The following TRIM46 variants were observed in gnomAD, a reference collection of about 807,000 sequenced individuals.
TRIM46 encodes the protein tripartite motif containing 46, also known as tripartite motif-containing protein 46.
A neutral mutation model predicts 69.7 loss-of-function variants in TRIM46; 17 were observed. The observed-to-expected ratio is 0.24, with a 90% CI of 0.17 to 0.37. The LOEUF (loss-of-function observed/expected upper bound fraction) is 0.37, where lower values mean the gene tolerates loss of function less well. TRIM46 is among the 10% of genes least tolerant of loss of function. TRIM46 has a pLI of 1.00. For missense variants in TRIM46, 675 were observed against 1,025.1 expected (o/e 0.66, Z 4.66); for synonymous variants, 391 against 429.0 (o/e 0.91, Z 1.09).
At chr1:155,178,317 AC>A in intron 6 of TRIM46, 62 bp downstream of exon 6, 1 of 1,560,138 alleles carries the variant, frequency 6.4e-7, no homozygotes, top group Non-Finnish European at 8.7e-7. Context: ...AACATCTAGG[AC>A]AATGTCTACA....
chr1:155,175,390 G>A lies in TRIM46; in HGVS notation c.68G>A (p.Ser23Asn), dbSNP rs751832811. Residue 23 changes from serine to asparagine, a missense_variant, in exon 2 of 10, where the codon AGC (serine) becomes AAC (asparagine). By Grantham distance (46) the Ser-to-Asn change is conservative. Around this residue, in one of 5 missense-constraint regions of TRIM46, gnomAD observed 170 missense variants for 255.6 expected, o/e 0.67. Coordinates refer to ENST00000334634, the MANE Select transcript of TRIM46 (RefSeq NM_025058.5). The surrounding 1 kb of genome is among the most constrained non-coding windows in gnomAD (Gnocchi z 4.2). ...AGCCTCCTGGTCCCTCCACAGACCA[G>A]CATGAAGAACATGGAGAAGGAACTG... ...IMDALVRIST[S>N]MKNMEKELLC... 3.1e-6 allele frequency: 5 copies of A among 1,614,022 alleles called. No individual in the cohort carries two copies. The highest frequency in any genetic ancestry group is 3.4e-6 in the Non-Finnish European group (4 of 1,179,946).
intron 3 of TRIM46, 136 bp downstream of exon 3, chr1:155,176,367 ACAAAGTCACTGGACAAATCATT>A: frequency 1.2e-6 from 1 of 829,962 alleles, no homozygotes; most frequent in South Asian, 1.8e-5. Flanking sequence ...GTAATCTGTC[ACAAAGTCACTGGACAAATCATT>A]CAACAACTTT....
At position 155,176,224 on chromosome 1, in the gene TRIM46, G is replaced by A. The variant is rs1420011583; in HGVS notation, c.662G>A (p.Arg221Gln). ...CCCACCCTGCCTACCCTCTCCTTCC[G>A]ACCCAAGGTGAGCCAGCCCTTCCAA... ...HEPTLPTLSF[R>Q]PKGLMCPDHK... Residue 221 changes from arginine to glutamine, a missense_variant, in exon 3 of 10, where the codon CGA becomes CAA. This residue lies in a region of TRIM46 where 361 missense variants were observed against 498.3 expected (regional missense o/e 0.72). Transcript: ENST00000334634. 12 of 1,596,988 alleles carry A rather than the reference G, an allele frequency of 7.5e-6. No homozygotes were observed. The highest frequency in any genetic ancestry group is 2.2e-5 in the East Asian group (1 of 44,680).
rs147051724 is a variant in TRIM46, at chr1:155,184,604, C to T, written c.*414C>T. 6.8e-4 allele frequency: 123 copies of T among 179,612 alleles called. No homozygotes were observed. Among genetic ancestry groups the T allele is most frequent in the Non-Finnish European group, 9.9e-4 (84 of 84,694 alleles). The allele number at this position is 179,612 out of a possible 1,614,324, so 11.1% of individuals were successfully genotyped here. On this transcript the variant is annotated 3_prime_UTR_variant, in exon 10 of 10. Coordinates refer to ENST00000334634, the MANE Select transcript of TRIM46 (RefSeq NM_025058.5). This position sits in a 1 kb window ranked among gnomAD's most constrained non-coding sequence, Gnocchi z 5.6. ...AGCTCCCTGCCCTGTTGATGCTGAACTACAGCCTTGGGACAGGCAGGCTTT... is the reference window on the plus strand; with the variant it reads ...AGCTCCCTGCCCTGTTGATGCTGAATTACAGCCTTGGGACAGGCAGGCTTT...
intron 9 of TRIM46, among the ~76,000 whole-genome samples, chr1:155,183,549 C>T (rs1249562305): frequency 1.3e-5 from 2 of 152,144 alleles, no homozygotes; most frequent in African/African-American, 4.8e-5. Flanking sequence ...ATACCAATGC[C>T]ATGTCTTTCC....
chr1:155,173,941 C>A lies in TRIM46; in HGVS notation c.-26C>A. The A allele has an allele frequency of 6.4e-7, 1 of 1,569,084 alleles. No homozygotes were observed. The highest frequency in any genetic ancestry group is 8.6e-7 in the Non-Finnish European group (1 of 1,157,944). On this transcript the variant is annotated 5_prime_UTR_variant, in exon 1 of 10. Coordinates refer to ENST00000334634, the MANE Select transcript of TRIM46 (RefSeq NM_025058.5). Reference sequence around the variant, plus strand: ...GCAGCCGCAGCCGGGATCGGGCACCCAGGGGCGGGCGGGCACGGTAGGGCC... The same window carrying A: ...GCAGCCGCAGCCGGGATCGGGCACCAAGGGGCGGGCGGGCACGGTAGGGCC...
At chr1:155,180,314 A>G in intron 8 of TRIM46, 1 of 310,014 alleles carries the variant, frequency 3.2e-6, no homozygotes, top group Non-Finnish European at 5.9e-6. Flanking sequence ...AAAAATAAAT[A>G]GGCCAGGCGA....
intron 1 of TRIM46, 143 bp downstream of exon 1, chr1:155,174,172 G>T (rs1665414520): frequency 1.0e-6 from 1 of 994,236 alleles, no homozygotes; most frequent in Non-Finnish European, 1.5e-6. Flanking sequence ...GGAGGGTCGG[G>T]ATGCAGGTAT....
At position 155,181,719 on chromosome 1, in the gene TRIM46, CCTGAACCCCCTGCCTGTTCCTGGTGA is replaced by C; in HGVS notation, c.1589-121_1589-96del. 2.1e-6 allele frequency: 2 copies of C among 956,932 alleles called. No homozygotes were observed. Among genetic ancestry groups the C allele is most frequent in the South Asian group, 3.2e-5 (2 of 62,314 alleles). 59.3% of individuals were successfully genotyped at this position (956,932 alleles called of 1,614,324 possible). On this transcript the variant is annotated intron_variant, in intron 8 of 9. Coordinates refer to ENST00000334634, the MANE Select transcript of TRIM46 (RefSeq NM_025058.5). This position sits in a 1 kb window ranked among gnomAD's most constrained non-coding sequence, Gnocchi z 4.3. The stretch of plus-strand genomic sequence containing the variant: ...ATTCCAGTTTCCCATGTCCTGTTCT[CCTGAACCCCCTGCCTGTTCCTGGTGA>C]CTGAACCCCCTTGCAACGCGTTCCC...
Position 155,175,378 on chromosome 1 carries a change from C to A in TRIM46, c.64-8C>A, listed in dbSNP as rs1665561954. On this transcript the variant is annotated splice_region_variant and splice_polypyrimidine_tract_variant and intron_variant, in intron 1 of 9. Transcript: ENST00000334634. This position sits in a 1 kb window ranked among gnomAD's most constrained non-coding sequence, Gnocchi z 4.2. Reference sequence around the variant, plus strand: ...AAGCGCTGACCTAGCCTCCTGGTCCCTCCACAGACCAGCATGAAGAACATG... The same window carrying A: ...AAGCGCTGACCTAGCCTCCTGGTCCATCCACAGACCAGCATGAAGAACATG... 3 of 1,613,496 alleles carry A rather than the reference C, an allele frequency of 1.9e-6. No individual in the cohort carries two copies. The highest frequency in any genetic ancestry group is 2.5e-6 in the Non-Finnish European group (3 of 1,179,804).
intron 3 of TRIM46, 33 bp from the exon 4 acceptor site, chr1:155,176,899 G>T (rs1280062280): frequency 3.1e-6 from 5 of 1,605,852 alleles, no homozygotes; most frequent in Non-Finnish European, 4.3e-6. Flanking sequence ...CCACACCATT[G>T]TCTGACCATC....
intron 9 of TRIM46, among the ~76,000 whole-genome samples, chr1:155,183,146 G>A (rs750136049): frequency 1.3e-4 from 20 of 151,916 alleles, no homozygotes; most frequent in South Asian, 2.1e-4. Flanking sequence ...TCCTGACCTC[G>A]TGATCCGCCC....
chr1:155,174,709 C>A, intron 1 of TRIM46: 1 of 1,437,562 alleles, frequency 7.0e-7, no homozygotes, highest in Non-Finnish European at 9.1e-7. Flanking sequence ...GAGGGGACTT[C>A]CGGTGGGGAG....
chr1:155,176,068 C>A lies in TRIM46; in HGVS notation c.506C>A (p.Ala169Asp). Residue 169 changes from alanine to aspartate, a missense_variant, in exon 3 of 10, where the codon GCC becomes GAC. This residue lies in a region of TRIM46 where 170 missense variants were observed against 255.6 expected (regional missense o/e 0.67). Transcript: ENST00000334634. ...RYRQSVSVGGAILCQLCKPPP... is the reference protein window; with the variant it reads ...RYRQSVSVGGDILCQLCKPPP... ...CGCCAGAGTGTGAGTGTGGGAGGTG[C>A]CATCCTGTGCCAGTTGTGCAAGCCC... is the stretch of plus-strand genomic sequence containing the variant. 6.2e-7 allele frequency: 1 copy of A among 1,614,096 alleles called. No homozygotes were observed. The highest frequency in any genetic ancestry group is 8.5e-7 in the Non-Finnish European group (1 of 1,180,004).
rs748469875 is a variant in TRIM46, at chr1:155,179,709, C to A, written c.1363C>A (p.His455Asn). ...QIFLCWRLPP[H>N]SPPAWHYTVE... The stretch of plus-strand genomic sequence containing the variant: ...CTTCCTGTGCTGGCGGCTGCCCCCC[C>A]ATTCACCACCTGCCTGGCACTATAC... Residue 455 changes from histidine (H) to asparagine (N), a missense_variant, in exon 8 of 10, where the codon CAT becomes AAT. Transcript: ENST00000334634. 4 of 1,613,596 alleles carry A rather than the reference C, an allele frequency of 2.5e-6. No homozygotes were observed. The highest frequency in any genetic ancestry group is 1.7e-5 in the Admixed American group (1 of 60,032).
chr1:155,176,376 C>T (rs1665653787), intron 3 of TRIM46, 145 bp downstream of exon 3: 2 of 793,460 alleles, frequency 2.5e-6, no homozygotes, highest in Non-Finnish European at 3.9e-6. Flanking sequence ...CACAAAGTCA[C>T]TGGACAAATC....
At chr1:155,182,313 A>G in intron 9 of TRIM46, 164 bp downstream of exon 9, 1 of 763,992 alleles carries the variant, frequency 1.3e-6, no homozygotes. Flanking sequence ...TGTCCAGGAG[A>G]CGCATGGGCT....
intron 9 of TRIM46, 149 bp from the exon 10 acceptor site, chr1:155,183,648 C>T: frequency 2.0e-6 from 2 of 1,013,356 alleles, no homozygotes; most frequent in Non-Finnish European, 2.9e-6. Context: ...ACTCTAACCC[C>T]TGCCTCTTCA....
chr1:155,182,883 C>G (rs1666269979), intron 9 of TRIM46: 1 of 150,218 alleles, frequency 6.7e-6, no homozygotes, highest in African/African-American at 2.4e-5. Flanking sequence ...AAACATCCCA[C>G]CTCCATAACC....
Sources: gnomAD v4.1 joint callset for allele counts (sites outside exome capture counted in the v4.1 genomes callset) on GRCh38, gnomAD v4.1.1 for gene constraint, gnomAD v4.1.1 regional missense constraint, Gnocchi (gnomAD v3.1) non-coding constraint, MANE v1.5 for transcripts, NCBI Gene and HGNC (gene_info 2026-07-23, HGNC 2026-07-21) for gene names.